MMD2: variants seen among roughly 807,000 people sequenced by gnomAD.
MMD2 encodes monocyte to macrophage differentiation associated 2.
MMD2 carries 30 observed loss-of-function variants against 33.5 expected under a neutral mutation model. The ratio of observed to expected loss-of-function variants is 0.90; its 90% CI spans 0.67 to 1.22. MMD2 has a LOEUF of 1.22. MMD2 is among the 50% of genes most tolerant of loss of function. MMD2 has a pLI of 0.00. For missense variants in MMD2, 364 were observed against 325.4 expected (o/e 1.12, Z -0.91); for synonymous variants, 129 against 123.0 (o/e 1.05, Z -0.32).
chr7:4,900,590 G>A, the MMD2 span, among the ~76,000 whole-genome samples: 41 of 152,180 alleles, frequency 2.7e-4, 1 homozygote, highest in Middle Eastern at 3.4e-3. Flanking sequence ...GTGCCCTAAG[G>A]ATGTAAGAAC....
intron 5 of MMD2, chr7:4,910,151 C>A (rs1289418856): frequency 8.6e-7 from 1 of 1,159,296 alleles, no homozygotes; most frequent in African/African-American, 1.5e-5. Context: ...ACCCTGGGCA[C>A]TTTCCCTCCC....
At chr7:4,922,490 C>T (rs1785313978) in intron 2 of MMD2, among the ~76,000 whole-genome samples, 1 of 152,106 alleles carries the variant, frequency 6.6e-6, no homozygotes, top group African/African-American at 2.4e-5. Context: ...AAATAAACAG[C>T]AGCTATCCAT....
downstream of MMD2, among the ~76,000 whole-genome samples, chr7:4,905,259 G>C (rs444496): frequency 0.079 from 11,755 of 149,516 alleles, 610 homozygotes; most frequent in Non-Finnish European, 0.11. This position sits in a 1 kb window ranked among gnomAD's most constrained non-coding sequence, Gnocchi z 5.0. Flanking sequence ...AGGAGAAGAG[G>C]AGGAGGAGGA....
At position 4,913,721 on chromosome 7, in the gene MMD2, CAAAAAAAA is replaced by C. The variant is rs35733360; in HGVS notation, c.365+2276_365+2283del. Among the ~76,000 whole-genome samples, 60 of 54,054 alleles carry C rather than the reference CAAAAAAAA, an allele frequency of 1.1e-3. 1 individual carries two copies. Among genetic ancestry groups the C allele is most frequent in the African/African-American group, 3.8e-3 (47 of 12,322 alleles). The allele number at this position is 54,054 out of a possible 152,430, so 35.5% of individuals were successfully genotyped here. A position where few individuals can be genotyped will look rare whatever the true frequency, so the allele number is the denominator to read the frequency against. On this transcript the variant is annotated intron_variant, in intron 4 of 6. Coordinates refer to ENST00000401401, the MANE Select transcript of MMD2 (RefSeq NM_198403.4). Reference sequence around the variant, plus strand: ...CAACAAGAGCGAAACTCTATCTCGGCAAAAAAAAAAAAAAAAAAAAAAAAGTGGATTTT... The same window carrying C: ...CAACAAGAGCGAAACTCTATCTCGGCAAAAAAAAAAAAAAAAGTGGATTTT...
chr7:4,915,896 T>C (rs1212596136), intron 4 of MMD2, 109 bp downstream of exon 4: 1 of 1,102,744 alleles, frequency 9.1e-7, no homozygotes, highest in East Asian at 2.7e-5. Flanking sequence ...GCTTTTAACC[T>C]AACTCCTTTG....
At chr7:4,939,521 C>T (rs59490015) in intron 1 of MMD2, among the ~76,000 whole-genome samples, 10,578 of 151,782 alleles carry the variant, frequency 0.07, 563 homozygotes, top group African/African-American at 0.13. Flanking sequence ...CCAGCCTGGG[C>T]GACAGAGAGA....
At chr7:4,924,124 A>G (rs567317879) in intron 2 of MMD2, among the ~76,000 whole-genome samples, 12 of 152,276 alleles carry the variant, frequency 7.9e-5, no homozygotes, top group South Asian at 4.1e-4. Context: ...CCCAGGAGGC[A>G]GAGCTTGCAG....
chr7:4,924,719 G>T (rs1392769272), intron 2 of MMD2, among the ~76,000 whole-genome samples: 1 of 152,198 alleles, frequency 6.6e-6, no homozygotes, highest in Non-Finnish European at 1.5e-5. Flanking sequence ...CATAGGCAGG[G>T]CTGGAGTGGA....
the MMD2 span, among the ~76,000 whole-genome samples, chr7:4,895,365 G>A: frequency 5.3e-5 from 8 of 151,714 alleles, no homozygotes; most frequent in Admixed American, 1.3e-4. Context: ...CCCGAGCCAC[G>A]GAGCCCAGCC....
intron 2 of MMD2, among the ~76,000 whole-genome samples, chr7:4,921,673 G>A (rs1294799143): frequency 1.3e-5 from 2 of 150,918 alleles, no homozygotes; most frequent in Non-Finnish European, 2.9e-5. Context: ...CCTACCGTGT[G>A]CATCCTCCAG....
chr7:4,917,771 A>G lies in MMD2; in HGVS notation c.291-1692T>C, dbSNP rs964321637. On this transcript the variant is annotated intron_variant, in intron 3 of 6. Transcript: ENST00000401401. ...CATTTTTATGATGACCTCACCTTGT[A>G]TAGTGAGCGATAACCCTCAATACAT... 2.6e-5 allele frequency among the ~76,000 whole-genome samples: 4 copies of G among 152,280 alleles called. No individual in the cohort carries two copies. The East Asian group carries it at 5.8e-4, about 22-fold the overall frequency.
chr7:4,939,281 C>T (rs993609279), intron 1 of MMD2, among the ~76,000 whole-genome samples: 18 of 151,722 alleles, frequency 1.2e-4, no homozygotes, highest in South Asian at 4.2e-4. Flanking sequence ...CCCGGTGGCT[C>T]GTGCCTGTAA....
intron 1 of MMD2, among the ~76,000 whole-genome samples, chr7:4,929,871 G>A (rs1562485979): frequency 6.6e-6 from 1 of 152,058 alleles, no homozygotes; most frequent in African/African-American, 2.4e-5. Flanking sequence ...ATAGTGATAT[G>A]GGTTGAACCG....
intron 3 of MMD2, 123 bp from the exon 4 acceptor site, chr7:4,916,202 C>G (rs535807148): frequency 1.3e-6 from 1 of 776,864 alleles, no homozygotes; most frequent in South Asian, 1.7e-5. Flanking sequence ...GCTCCTCTGT[C>G]CAGCCAAGAC....
At chr7:4,920,570 T>C (rs970907857) in intron 2 of MMD2, among the ~76,000 whole-genome samples, 3 of 146,562 alleles carry the variant, frequency 2.0e-5, no homozygotes, top group Admixed American at 6.9e-5. Flanking sequence ...CTTCCAGCCT[T>C]CCTTCCTTCC....
chr7:4,899,673 G>A, the MMD2 span, among the ~76,000 whole-genome samples: 2 of 152,168 alleles, frequency 1.3e-5, no homozygotes, highest in African/African-American at 4.8e-5. Flanking sequence ...TGGGATTACA[G>A]GCTTGAGCCA....
At chr7:4,958,151 C>A (rs935715101) in intron 1 of MMD2, among the ~76,000 whole-genome samples, 10 of 152,180 alleles carry the variant, frequency 6.6e-5, no homozygotes, top group Admixed American at 6.5e-4. Context: ...GAGGCCCCCG[C>A]GGGCTGCTCC....
chr7:4,893,314 AG>A, the MMD2 span, among the ~76,000 whole-genome samples: 3 of 152,174 alleles, frequency 2.0e-5, no homozygotes, highest in Non-Finnish European at 4.4e-5. Flanking sequence ...ACTACTCCAT[AG>A]GCAGAGCATC....
intron 4 of MMD2, 35 bp downstream of exon 4, chr7:4,915,970 G>A (rs779313498): frequency 2.0e-5 from 32 of 1,601,432 alleles, no homozygotes; most frequent in South Asian, 1.3e-4. Context: ...AAGAAAGGCC[G>A]CCAAGGGTTT....
Sources: gnomAD v4.1 joint callset for allele counts (sites outside exome capture counted in the v4.1 genomes callset) on GRCh38, gnomAD v4.1.1 for gene constraint, Gnocchi (gnomAD v3.1) non-coding constraint, MANE v1.5 for transcripts, NCBI Gene and HGNC (gene_info 2026-07-23, HGNC 2026-07-21) for gene names.